The following ACOT8 variants were observed in gnomAD, a reference collection of about 807,000 sequenced individuals.
ACOT8 encodes the protein acyl-coenzyme A thioesterase 8.
ACOT8 carries 31 observed loss-of-function variants against 38.4 expected under a neutral mutation model. That is an observed-to-expected ratio of 0.81 (90% CI 0.61 to 1.09). ACOT8 has a LOEUF of 1.09. ACOT8 is among the 50% of genes least tolerant of loss of function. The pLI, the probability that ACOT8 is intolerant of heterozygous loss-of-function variation, is 0.00. For synonymous variants in ACOT8, 158 were observed against 170.3 expected (o/e 0.93, Z 0.56); for missense variants, 373 against 421.8 (o/e 0.88, Z 1.01).
intron 5 of ACOT8, 32 bp downstream of exon 5, chr20:45,843,495 A>C: frequency 6.2e-7 from 1 of 1,601,958 alleles, no homozygotes; most frequent in Non-Finnish European, 8.5e-7. Context: ...ACTCAAGGTC[A>C]GTGCCCTTGT....
At chr20:45,854,466 T>TC (rs1214060602) in intron 2 of ACOT8, among the ~76,000 whole-genome samples, 1 of 152,084 alleles carries the variant, frequency 6.6e-6, no homozygotes. Flanking sequence ...CGCCTTGGCC[T>TC]CCAAAGTGCT....
chr20:45,842,356 G>A, intron 5 of ACOT8: 7 of 1,358,134 alleles, frequency 5.2e-6, no homozygotes, highest in Non-Finnish European at 6.6e-6. Flanking sequence ...GAGGAGCTCT[G>A]AGAACAGTCT....
intron 2 of ACOT8, among the ~76,000 whole-genome samples, chr20:45,854,759 A>T (rs533011891): frequency 2.2e-4 from 33 of 151,922 alleles, no homozygotes; most frequent in African/African-American, 7.7e-4. Context: ...AGATCCCTTG[A>T]CTCTCAGGCT....
intron 3 of ACOT8, among the ~76,000 whole-genome samples, chr20:45,846,912 T>C (rs1346881311): frequency 6.6e-6 from 1 of 152,164 alleles, no homozygotes; most frequent in Non-Finnish European, 1.5e-5. Context: ...ATGTTTTATA[T>C]ACATAAAACA....
intron 1 of ACOT8, among the ~76,000 whole-genome samples, chr20:45,856,669 G>A (rs1480480983): frequency 6.6e-6 from 1 of 152,188 alleles, no homozygotes; most frequent in Non-Finnish European, 1.5e-5. Context: ...AACAGAGCAA[G>A]ACTCCGCCTC....
chr20:45,842,070 G>A (rs1435984905), intron 5 of ACOT8, 114 bp from the exon 6 acceptor site: 4 of 1,541,596 alleles, frequency 2.6e-6, no homozygotes, highest in African/African-American at 1.4e-5. Flanking sequence ...CAAGCGCCTG[G>A]GTTCAAGGGA....
intron 5 of ACOT8, chr20:45,843,132 GA>G: frequency 2.2e-6 from 2 of 909,786 alleles, no homozygotes; most frequent in East Asian, 6.3e-5. Context: ...AATCTATTTT[GA>G]AAAGGCATCC....
At chr20:45,857,122 G>A in intron 1 of ACOT8, 66 bp downstream of exon 1, 1 of 1,555,416 alleles carries the variant, frequency 6.4e-7, no homozygotes, top group Non-Finnish European at 8.7e-7. Context: ...GGGGCCCCGG[G>A]CGGCGGCAGT....
rs1280360196 is a variant in ACOT8 at position 45,855,273 on chromosome 20, G to A, written c.148C>T (p.Pro50Ser). Residue 50 changes from proline (P) to serine (S), a missense_variant, in exon 2 of 6, where the codon CCG (proline) becomes TCG (serine). Transcript: ENST00000217455. The part of the protein sequence containing the change: ...DLFRGRHYWV[P>S]AKRLFGGQIV... Reference sequence around the variant, plus strand: ...TGACCACCAAACAGCCTCTTGGCCGGTACCCAGTAATGCCTTCCTCTGTAG... The same window carrying A: ...TGACCACCAAACAGCCTCTTGGCCGATACCCAGTAATGCCTTCCTCTGTAG... 1.2e-6 allele frequency: 2 copies of A among 1,614,126 alleles called. No homozygotes were observed. The highest frequency in any genetic ancestry group is 8.5e-7 in the Non-Finnish European group (1 of 1,180,032).
At chr20:45,850,929 C>G (rs1455496308) in intron 2 of ACOT8, among the ~76,000 whole-genome samples, 1 of 152,136 alleles carries the variant, frequency 6.6e-6, no homozygotes, top group Non-Finnish European at 1.5e-5. Context: ...CAACAACAAG[C>G]AGGTGAGGGA....
intron 2 of ACOT8, among the ~76,000 whole-genome samples, chr20:45,849,479 T>C: frequency 7.6e-6 from 1 of 131,264 alleles, no homozygotes; most frequent in African/African-American, 2.9e-5. Flanking sequence ...GAGAGACAGT[T>C]TCGCTGGGTC....
chr20:45,854,140 T>G (rs555309380), intron 2 of ACOT8, among the ~76,000 whole-genome samples: 9 of 146,366 alleles, frequency 6.1e-5, no homozygotes, highest in African/African-American at 2.2e-4. Flanking sequence ...GTTCCAACAA[T>G]TCTCCGCATT....
intron 1 of ACOT8, among the ~76,000 whole-genome samples, chr20:45,856,376 C>G (rs1434558951): frequency 6.6e-6 from 1 of 152,094 alleles, no homozygotes; most frequent in East Asian, 1.9e-4. Context: ...CCTTGGAGGT[C>G]AAAGCTGTTA....
intron 4 of ACOT8, 131 bp downstream of exon 4, chr20:45,844,131 TA>T: frequency 7.7e-7 from 1 of 1,305,506 alleles, no homozygotes; most frequent in Non-Finnish European, 1.1e-6. Flanking sequence ...GGTGAGAAGC[TA>T]AGCCAACTTC....
chr20:45,849,890 G>A (rs1984953683), intron 2 of ACOT8, among the ~76,000 whole-genome samples: 1 of 152,182 alleles, frequency 6.6e-6, no homozygotes, highest in African/African-American at 2.4e-5. Context: ...GTTGGCATGG[G>A]GAAGCTGTTG....
chr20:45,843,888 C>T (rs1568735086), intron 4 of ACOT8, 167 bp from the exon 5 acceptor site: 1 of 1,352,928 alleles, frequency 7.4e-7, no homozygotes, highest in Non-Finnish European at 9.8e-7. Context: ...GAGATGGCGA[C>T]TTGGGGAGGG....
At position 45,844,387 on chromosome 20, in the gene ACOT8, C is replaced by T. The variant is rs149898848; in HGVS notation, c.522G>A (p.Ala174=). 4.3e-6 allele frequency: 7 copies of T among 1,614,006 alleles called. No individual in the cohort carries two copies. Among genetic ancestry groups the T allele is most frequent in the South Asian group, 1.1e-5 (1 of 91,076 alleles). ...DPNLQKRYPL[A]LNRIAAQEVP... is the part of the protein sequence containing the mutation. ...CCTCCTGAGCAGCAATTCGGTTGAG[C>T]GCCAATGGGTACCTCTTTTGGAGGT... is the stretch of plus-strand genomic sequence containing the variant. Residue 174 remains alanine, a synonymous_variant, in exon 4 of 6, where the codon GCG becomes GCA. Transcript: ENST00000217455.
chr20:45,856,789 G>A (rs548502624), intron 1 of ACOT8, among the ~76,000 whole-genome samples: 1 of 152,350 alleles, frequency 6.6e-6, no homozygotes, highest in South Asian at 2.1e-4. Flanking sequence ...CCACCAAATG[G>A]TACTGGGGGC....
At chr20:45,854,196 G>A (rs974043232) in intron 2 of ACOT8, among the ~76,000 whole-genome samples, 2 of 126,548 alleles carry the variant, frequency 1.6e-5, no homozygotes, top group Non-Finnish European at 3.8e-5. Context: ...ACCACACATA[G>A]GTTTTTTGTT....
Sources: gnomAD v4.1 joint callset for allele counts (sites outside exome capture counted in the v4.1 genomes callset) on GRCh38, gnomAD v4.1.1 for gene constraint, MANE v1.5 for transcripts, NCBI Gene and HGNC (gene_info 2026-07-23, HGNC 2026-07-21) for gene names.